HYDIN: variants seen among roughly 807,000 people sequenced by gnomAD.
HYDIN encodes HYDIN axonemal central pair apparatus protein.
In HYDIN, 132 loss-of-function variants were observed where a neutral mutation model predicts 403.9. That is an observed-to-expected ratio of 0.33 (90% CI 0.28 to 0.38). HYDIN has a LOEUF of 0.38. HYDIN is among the 10% of genes least tolerant of loss of function. HYDIN has a pLI of 1.00. For missense variants in HYDIN, 2,827 were observed against 5,009.5 expected (o/e 0.56, Z 13.15); for synonymous variants, 1,202 against 1,891.7 (o/e 0.64, Z 9.46).
At chr16:71,229,144 C>T (rs964072883) in intron 1 of HYDIN, among the ~76,000 whole-genome samples, 12 of 107,084 alleles carry the variant, frequency 1.1e-4, no homozygotes, top group African/African-American at 3.1e-4. Context: ...CATCACACAC[C>T]GGGGCCTGTT....
chr16:71,182,104 T>C (rs1259321089), intron 3 of HYDIN, among the ~76,000 whole-genome samples: 4 of 152,094 alleles, frequency 2.6e-5, no homozygotes, highest in Non-Finnish European at 5.9e-5. Context: ...TTTGAGTGTC[T>C]GAAGAGCAGC....
At chr16:71,203,073 G>T (rs2088105560) in intron 1 of HYDIN, among the ~76,000 whole-genome samples, 1 of 152,176 alleles carries the variant, frequency 6.6e-6, no homozygotes, top group Non-Finnish European at 1.5e-5. Context: ...GGTATTGGTA[G>T]CCTCATCACA....
At chr16:70,865,509 A>G (rs933351351) in intron 67 of HYDIN, 2 of 389,768 alleles carry the variant, frequency 5.1e-6, no homozygotes, top group East Asian at 7.4e-5. Flanking sequence ...CTCCTTCTCA[A>G]AGATGAATTT....
Position 70,853,777 on chromosome 16 carries a change from G to C in HYDIN, c.12443+1351C>G, listed in dbSNP as rs934747507. The stretch of plus-strand genomic sequence containing the variant: ...AGGGATCTGTTCTGTGTCTTGACTC[G>C]TCAATGTCAATACCAGGTTGTGACA... On this transcript the variant is annotated intron_variant, in intron 73 of 85. Transcript: ENST00000393567. 6.1e-4 allele frequency among the ~76,000 whole-genome samples: 88 copies of C among 145,230 alleles called. 1 individual carries two copies. The highest frequency in any genetic ancestry group is 2.4e-3 in the African/African-American group (88 of 36,064).
At position 71,107,242 on chromosome 16, in the gene HYDIN, T is replaced by A. The variant is rs564069025; in HGVS notation, c.1327+8454A>T. 6.7e-3 allele frequency among the ~76,000 whole-genome samples: 1,014 copies of A among 151,286 alleles called. 6 individuals are homozygous for A. Among genetic ancestry groups the A allele is most frequent in the African/African-American group, 0.024 (971 of 41,160 alleles). Reference sequence around the variant, plus strand: ...GCAGCCCACCAACATGGCACATGTATACATATGTAACAAACCTGCACGTTG... The same window carrying A: ...GCAGCCCACCAACATGGCACATGTAAACATATGTAACAAACCTGCACGTTG... On this transcript the variant is annotated intron_variant, in intron 10 of 85. Coordinates refer to ENST00000393567, the MANE Select transcript of HYDIN (RefSeq NM_001270974.2).
At position 70,973,461 on chromosome 16, in the gene HYDIN, T is replaced by C. The variant is rs2078790898; in HGVS notation, c.5261A>G (p.Gln1754Arg). ...LEKHMPKYLRQKLRAELKPKT... is the reference protein window; with the variant it reads ...LEKHMPKYLRRKLRAELKPKT... ...TGGCTTTAATTCAGCGCGTAGTTTC[T>C]GTCTTAAGTACTTCGGCATGTGTTT... Residue 1754 changes from glutamine (Q) to arginine (R), a missense_variant, in exon 35 of 86, where the codon CAG becomes CGG. Transcript: ENST00000393567. The C allele has an allele frequency of 7.8e-6, 4 of 514,474 alleles. No homozygotes were observed. The highest frequency in any genetic ancestry group is 1.3e-5 in the Non-Finnish European group (4 of 296,304). 31.9% of individuals were successfully genotyped at this position (514,474 alleles called of 1,614,324 possible).
At chr16:71,136,952 T>C (rs1000201032) in intron 8 of HYDIN, among the ~76,000 whole-genome samples, 199 bp downstream of exon 8, 2 of 145,430 alleles carry the variant, frequency 1.4e-5, no homozygotes, top group Non-Finnish European at 3.0e-5. Context: ...GGATGGACAT[T>C]CTGTTCCACA....
intron 75 of HYDIN, among the ~76,000 whole-genome samples, chr16:70,847,041 C>T (rs2038259811): frequency 6.7e-6 from 1 of 149,148 alleles, no homozygotes; most frequent in African/African-American, 2.5e-5. Context: ...AGTCCATTTA[C>T]ATTTAAAGTT....
chr16:70,896,012 G>A lies in HYDIN; in HGVS notation c.9117C>T (p.Tyr3039=), dbSNP rs199788953. 88 of 1,611,858 alleles carry A rather than the reference G, an allele frequency of 5.5e-5. No individual in the cohort carries two copies. The highest frequency in any genetic ancestry group is 9.5e-5 in the African/African-American group (7 of 74,054). The change falls in exon 54 of 86, where the codon TAC becomes TAT. Residue 3039 remains tyrosine, a synonymous_variant. Transcript: ENST00000393567. ...GGAAGGTGATGTCCAAGGCGATGTC[G>A]TATGCCTCTGCAAAGACCATGATAT... The part of the protein sequence containing the change: ...IENIMVFAEA[Y]DIALDITFPK...
intron 83 of HYDIN, among the ~76,000 whole-genome samples, chr16:70,819,050 G>A (rs2036049228): frequency 6.6e-6 from 1 of 150,380 alleles, no homozygotes; most frequent in South Asian, 2.1e-4. Flanking sequence ...AGTAAGCTGG[G>A]ATTACAGGCG....
intron 1 of HYDIN, among the ~76,000 whole-genome samples, chr16:71,205,729 G>C (rs1390230738): frequency 6.6e-6 from 1 of 152,216 alleles, no homozygotes; most frequent in Non-Finnish European, 1.5e-5. Flanking sequence ...ACTTGCTGGA[G>C]CCTCCAGCTC....
At chr16:70,901,945 T>C (rs114262001) in intron 52 of HYDIN, among the ~76,000 whole-genome samples, 2,988 of 152,352 alleles carry the variant, frequency 0.02, 51 homozygotes, top group Middle Eastern at 0.082. Flanking sequence ...ACAACATTTC[T>C]TAACCCTTTT....
At chr16:70,878,706 T>C (rs970775109) in intron 62 of HYDIN, among the ~76,000 whole-genome samples, 2 of 144,296 alleles carry the variant, frequency 1.4e-5, no homozygotes, top group African/African-American at 5.9e-5. Flanking sequence ...TATTTCTGGT[T>C]TGCATGGACT....
At chr16:70,915,494 C>G in intron 47 of HYDIN, among the ~76,000 whole-genome samples, 1 of 143,940 alleles carries the variant, frequency 6.9e-6, no homozygotes, top group Admixed American at 7.1e-5. Context: ...TGTGAAACAT[C>G]TATGGGTCTC....
Position 71,065,942 on chromosome 16 carries a change from G to T in HYDIN, c.2076-1102C>A, listed in dbSNP as rs560429496. On this transcript the variant is annotated intron_variant, in intron 15 of 85. Coordinates refer to ENST00000393567, the MANE Select transcript of HYDIN (RefSeq NM_001270974.2). ...GAAAGAGGCTTTCTTTAACCGCAAA[G>T]TTTGTGATTTTGCATGAGTGTTCAT... 4.5e-4 allele frequency among the ~76,000 whole-genome samples: 69 copies of T among 152,276 alleles called. 1 individual carries two copies. Among genetic ancestry groups the T allele is most frequent in the African/African-American group, 1.6e-3 (67 of 41,556 alleles).
chr16:70,932,272 T>C (rs1172345119), intron 45 of HYDIN, among the ~76,000 whole-genome samples: 1 of 151,734 alleles, frequency 6.6e-6, no homozygotes, highest in East Asian at 1.9e-4. Flanking sequence ...GGAGAATCAC[T>C]TGAACATGGG....
chr16:71,118,251 AC>A (rs978949757), intron 9 of HYDIN, among the ~76,000 whole-genome samples: 11 of 151,592 alleles, frequency 7.3e-5, no homozygotes, highest in African/African-American at 2.4e-4. Context: ...CACTCAATGT[AC>A]ATTTTAAAAT....
At chr16:71,118,201 G>C (rs540927826) in intron 9 of HYDIN, among the ~76,000 whole-genome samples, 2 of 152,086 alleles carry the variant, frequency 1.3e-5, no homozygotes, top group East Asian at 3.9e-4. Context: ...CTTCTCTGAA[G>C]CCCTGGTACT....
chr16:71,035,704 GA>G (rs1360591765), intron 18 of HYDIN, among the ~76,000 whole-genome samples: 1 of 152,160 alleles, frequency 6.6e-6, no homozygotes, highest in Non-Finnish European at 1.5e-5. Flanking sequence ...TTATACAACA[GA>G]AGCTTATTTT....
Sources: allele counts gnomAD v4.1 joint callset (sites outside exome capture counted in the v4.1 genomes callset), GRCh38; gene constraint gnomAD v4.1.1; transcripts MANE v1.5; gene names NCBI Gene and HGNC (gene_info 2026-07-23, HGNC 2026-07-21).